Variants in CSMD1 observed in about 807,000 individuals in gnomAD.
CSMD1 encodes the protein CUB and sushi domain-containing protein 1.
A neutral mutation model predicts 417.5 loss-of-function variants in CSMD1; 213 were observed. The ratio of observed to expected loss-of-function variants is 0.51; its 90% confidence interval spans 0.46 to 0.57. The LOEUF (loss-of-function observed/expected upper bound fraction) is 0.57. Among genes scored for constraint, CSMD1 ranks in the 20% least tolerant of loss-of-function variants. CSMD1 has a pLI of 0.00. For missense variants in CSMD1, 6,923 were observed against 4,529.7 expected, an observed-to-expected ratio of 1.53 and a Z score of -15.17; for synonymous variants, 2,862 against 1,736.8, an observed-to-expected ratio of 1.65 and a Z score of -16.11.
At chr8:2,940,900 C>T (rs914646197) in intron 69 of CSMD1, among the ~76,000 whole-genome samples, 9 of 152,084 alleles carry the variant, frequency 5.9e-5, no homozygotes, top group Non-Finnish European at 1.2e-4. Context: ...ATATGTGTCT[C>T]TATAAGGATA....
chr8:3,766,407 G>C (rs1203236813), intron 5 of CSMD1, among the ~76,000 whole-genome samples: 1 of 152,148 alleles, frequency 6.6e-6, no homozygotes, highest in Non-Finnish European at 1.5e-5. Context: ...TCTAACCCTT[G>C]GCTGTATCCA....
At chr8:3,368,320 A>C (rs1204313526) in intron 19 of CSMD1, among the ~76,000 whole-genome samples, 2 of 152,180 alleles carry the variant, frequency 1.3e-5, no homozygotes, top group East Asian at 1.9e-4. Flanking sequence ...TATGTGATCG[A>C]AATTCCAAAT....
chr8:4,018,854 A>C (rs896032768), intron 4 of CSMD1, among the ~76,000 whole-genome samples: 3 of 152,178 alleles, frequency 2.0e-5, no homozygotes, highest in Non-Finnish European at 4.4e-5. Context: ...TTCCTCTGTG[A>C]TGGAGTCTCA....
intron 23 of CSMD1, among the ~76,000 whole-genome samples, chr8:3,311,167 T>C (rs540812758): frequency 6.6e-6 from 1 of 152,334 alleles, no homozygotes; most frequent in East Asian, 1.9e-4. Context: ...CCTTGGCCTA[T>C]AGTTGTGGAA....
chr8:4,555,231 T>A (rs1169348466), intron 2 of CSMD1, among the ~76,000 whole-genome samples: 1 of 152,136 alleles, frequency 6.6e-6, no homozygotes, highest in Non-Finnish European at 1.5e-5. Context: ...AGCTTACGGG[T>A]TATTGCAGAA....
At chr8:3,076,667 C>G (rs1813708237) in intron 49 of CSMD1, among the ~76,000 whole-genome samples, 1 of 152,172 alleles carries the variant, frequency 6.6e-6, no homozygotes, top group African/African-American at 2.4e-5. Flanking sequence ...TGTTTCCTCC[C>G]AGCAACACTG....
chr8:3,128,808 T>C, intron 41 of CSMD1: 1 of 434,728 alleles, frequency 2.3e-6, no homozygotes, highest in South Asian at 1.7e-5. Context: ...TTTTTGTTTT[T>C]TTTTTAATTG....
rs1279187565 is a variant in CSMD1 at position 3,348,058 on chromosome 8, T to C, written c.3408A>G (p.Thr1136=). ...TAAGGTGGATGCCCTTGCCGGCTTCTGTTTCTATTTTATAGATACACTCAT... is the reference window on the plus strand; with the variant it reads ...TAAGGTGGATGCCCTTGCCGGCTTCCGTTTCTATTTTATAGATACACTCAT... ...NNHECIYKIE[T]EAGKGIHLRT... Residue 1136 remains threonine (T), a synonymous_variant, in exon 22 of 70, where the codon ACA becomes ACG. Transcript: ENST00000635120. 5 of 1,612,326 alleles carry C rather than the reference T, an allele frequency of 3.1e-6. No individual in the cohort carries two copies. The East Asian group carries it at 6.7e-5, about 22-fold the overall frequency.
At chr8:4,035,339 T>C (rs1277671596) in intron 3 of CSMD1, among the ~76,000 whole-genome samples, 1 of 152,210 alleles carries the variant, frequency 6.6e-6, no homozygotes, top group Non-Finnish European at 1.5e-5. Flanking sequence ...CACTGGTTTT[T>C]CTACTTACTA....
intron 1 of CSMD1, among the ~76,000 whole-genome samples, chr8:4,958,123 T>G (rs1488493720): frequency 6.6e-6 from 1 of 151,760 alleles, no homozygotes; most frequent in Non-Finnish European, 1.5e-5. Context: ...TATGAGGTCT[T>G]TCCTGTCCTT....
intron 2 of CSMD1, among the ~76,000 whole-genome samples, chr8:4,596,216 T>C (rs1233858080): frequency 1.3e-5 from 2 of 152,166 alleles, no homozygotes; most frequent in Non-Finnish European, 2.9e-5. Flanking sequence ...GTAGGAGAAC[T>C]TGATAGGTTA....
intron 5 of CSMD1, among the ~76,000 whole-genome samples, chr8:3,756,944 C>T (rs1212125169): frequency 6.6e-6 from 1 of 152,082 alleles, no homozygotes; most frequent in South Asian, 2.1e-4. Context: ...TATATGTGCA[C>T]ACCATATCTG....
At chr8:4,033,349 G>A (rs1215006474) in intron 3 of CSMD1, among the ~76,000 whole-genome samples, 1 of 152,122 alleles carries the variant, frequency 6.6e-6, no homozygotes, top group African/African-American at 2.4e-5. Flanking sequence ...GGCTGAGGCA[G>A]GAGAATGGCG....
At chr8:3,930,456 G>A (rs114246189) in intron 5 of CSMD1, among the ~76,000 whole-genome samples, 1,963 of 150,532 alleles carry the variant, frequency 0.013, 149 homozygotes, top group African/African-American at 0.046. Context: ...TTATTTGAAG[G>A]TCTTTTTACC....
intron 1 of CSMD1, among the ~76,000 whole-genome samples, chr8:4,786,530 T>C (rs1797410677): frequency 6.6e-6 from 1 of 152,238 alleles, no homozygotes; most frequent in African/African-American, 2.4e-5. Context: ...TTGGTAGTTT[T>C]CTGCTTTTAG....
At chr8:3,531,375 T>G (rs1301842706) in intron 10 of CSMD1, among the ~76,000 whole-genome samples, 2 of 152,210 alleles carry the variant, frequency 1.3e-5, no homozygotes, top group African/African-American at 4.8e-5. Flanking sequence ...TGCTCAGATG[T>G]GTTTTCATTA....
chr8:2,966,118 C>G (rs1442141243), intron 58 of CSMD1, among the ~76,000 whole-genome samples, 164 bp from the exon 59 acceptor site: 1 of 151,566 alleles, frequency 6.6e-6, no homozygotes, highest in East Asian at 2.0e-4. Context: ...CACTGACCCG[C>G]TGTCAGAAGG....
At chr8:4,358,718 A>G (rs997740131) in intron 3 of CSMD1, among the ~76,000 whole-genome samples, 1 of 152,194 alleles carries the variant, frequency 6.6e-6, no homozygotes, top group African/African-American at 2.4e-5. Context: ...TAGCTTAATC[A>G]TTAAAATATC....
intron 1 of CSMD1, among the ~76,000 whole-genome samples, chr8:4,723,800 AC>A (rs1563222875): frequency 1.7e-5 from 2 of 120,844 alleles, no homozygotes; most frequent in African/African-American, 7.5e-5. Context: ...AAAAAAAAAA[AC>A]AAAAAAAAAA....
Sources: allele counts gnomAD v4.1 joint callset (sites outside exome capture counted in the v4.1 genomes callset), GRCh38; gene constraint gnomAD v4.1.1; transcripts MANE v1.5; gene names NCBI Gene and HGNC (gene_info 2026-07-23, HGNC 2026-07-21).